Variants in TBC1D4 observed in about 807,000 individuals in gnomAD.
TBC1D4 encodes TBC1 domain family member 4, also known as TBC (Tre-2, BUB2, CDC16) domain-containing protein.
In TBC1D4, 121 loss-of-function variants were observed where a neutral mutation model predicts 142.5. That is an observed-to-expected ratio of 0.85 (90% CI 0.73 to 0.99). The LOEUF (loss-of-function observed/expected upper bound fraction) is 0.99. TBC1D4 is among the 50% of genes least tolerant of loss of function. The pLI, the probability that TBC1D4 is intolerant of heterozygous loss-of-function variation, is 0.00. For missense variants in TBC1D4, 1,475 were observed against 1,606.6 expected, an observed-to-expected ratio of 0.92 and a Z score of 1.40; for synonymous variants, 630 against 628.2, an observed-to-expected ratio of 1.00 and a Z score of -0.04.
At chr13:75,288,341 T>C (rs1481838077) in intron 20 of TBC1D4, among the ~76,000 whole-genome samples, 12 of 152,164 alleles carry the variant, frequency 7.9e-5, no homozygotes, top group Admixed American at 7.9e-4. Flanking sequence ...GTTCCCAGAT[T>C]GATCTTTCTA....
intron 13 of TBC1D4, among the ~76,000 whole-genome samples, chr13:75,310,590 C>G (rs1877651567): frequency 6.6e-6 from 1 of 152,224 alleles, no homozygotes; most frequent in Non-Finnish European, 1.5e-5. Flanking sequence ...CCTCTCCTGG[C>G]TGAGCACAGT....
intron 1 of TBC1D4, among the ~76,000 whole-genome samples, chr13:75,369,260 A>C (rs973394560): frequency 6.6e-6 from 1 of 152,156 alleles, no homozygotes; most frequent in African/African-American, 2.4e-5. Context: ...TGTGGAGGCC[A>C]AGGCAGGAGA....
At chr13:75,424,379 T>C (rs544723763) in intron 1 of TBC1D4, among the ~76,000 whole-genome samples, 2 of 152,030 alleles carry the variant, frequency 1.3e-5, no homozygotes, top group Non-Finnish European at 2.9e-5. Context: ...TTTATTAATA[T>C]TGTATTTTTT....
intron 1 of TBC1D4, among the ~76,000 whole-genome samples, chr13:75,473,398 G>T (rs1888498375): frequency 6.6e-6 from 1 of 152,230 alleles, no homozygotes; most frequent in Non-Finnish European, 1.5e-5. Context: ...AAGATTTCTA[G>T]ATTTGTTCGA....
At chr13:75,320,412 T>C (rs1490171303) in intron 11 of TBC1D4, among the ~76,000 whole-genome samples, 2 of 152,120 alleles carry the variant, frequency 1.3e-5, no homozygotes, top group Admixed American at 1.3e-4. Flanking sequence ...AACAAATATG[T>C]CTGTGATAAT....
chr13:75,416,659 G>A lies in TBC1D4; in HGVS notation c.499-54052C>T, dbSNP rs140153125. Among the ~76,000 whole-genome samples the A allele has an allele frequency of 8.1e-3, 1,241 of 152,346 alleles. 22 individuals carry two copies. Among genetic ancestry groups the A allele is most frequent in the African/African-American group, 0.025 (1,052 of 41,578 alleles). On this transcript the variant is annotated intron_variant, in intron 1 of 20. Coordinates refer to ENST00000377636, the MANE Select transcript of TBC1D4 (RefSeq NM_014832.5). ...TTTGATCAGGCTACATCTTATGCCA[G>A]CCCTGGATTAAATCTGAGACAGTCA...
intron 1 of TBC1D4, among the ~76,000 whole-genome samples, chr13:75,395,815 G>A (rs1884767738): frequency 6.6e-6 from 1 of 152,134 alleles, no homozygotes; most frequent in Admixed American, 6.6e-5. Context: ...GGGCAACAGA[G>A]TGAGACTCCA....
chr13:75,469,229 C>T (rs1453035870), intron 1 of TBC1D4, among the ~76,000 whole-genome samples: 1 of 152,128 alleles, frequency 6.6e-6, no homozygotes, highest in African/African-American at 2.4e-5. Context: ...CAAGAAGACA[C>T]CCGGAGATGA....
chr13:75,309,966 C>A lies in TBC1D4; in HGVS notation c.2569G>T (p.Glu857Ter). The change falls in exon 14 of 21, where the codon GAA becomes TAA. Residue 857 changes from glutamate (E) to a stop codon, truncating the protein, a stop_gained. Coordinates refer to ENST00000377636, the MANE Select transcript of TBC1D4 (RefSeq NM_014832.5). LOFTEE classifies it high-confidence loss of function. ...CCTTCAAGTTTCTGGTTTTCTTTTT[C>A]CATTCGAAGTAACAAGATTTGTTGG... ...IHQQILLLRM[E>*]KENQKLEASR... is the part of the protein sequence containing the mutation. 2 of 1,614,102 alleles carry A rather than the reference C, an allele frequency of 1.2e-6. No individual in the cohort carries two copies. The highest frequency in any genetic ancestry group is 1.7e-6 in the Non-Finnish European group (2 of 1,179,976).
At chr13:75,406,165 C>G (rs1183690802) in intron 1 of TBC1D4, among the ~76,000 whole-genome samples, 1 of 152,220 alleles carries the variant, frequency 6.6e-6, no homozygotes, top group South Asian at 2.1e-4. Context: ...TTTTAACAAG[C>G]TGACTTGACA....
chr13:75,300,394 T>C (rs1339247283), intron 16 of TBC1D4, among the ~76,000 whole-genome samples: 1 of 144,980 alleles, frequency 6.9e-6, no homozygotes, highest in Admixed American at 6.9e-5. Context: ...GGCATTTTTC[T>C]AGGGCCACAA....
chr13:75,440,833 A>G (rs1887009199), intron 1 of TBC1D4, among the ~76,000 whole-genome samples: 1 of 151,604 alleles, frequency 6.6e-6, no homozygotes, highest in South Asian at 2.1e-4. Context: ...CAGCCTCCCA[A>G]ACTGCTGGGA....
chr13:75,468,638 T>C (rs2138313955), intron 1 of TBC1D4, among the ~76,000 whole-genome samples: 1 of 152,334 alleles, frequency 6.6e-6, no homozygotes, highest in Admixed American at 6.5e-5. Flanking sequence ...GGCTCTAAAT[T>C]TATAAGTAGC....
At chr13:75,355,656 C>T (rs1881982589) in intron 4 of TBC1D4, among the ~76,000 whole-genome samples, 1 of 151,802 alleles carries the variant, frequency 6.6e-6, no homozygotes, top group Admixed American at 6.6e-5. Context: ...TTTTAAATGC[C>T]AAAGAAGAAA....
At position 75,457,222 on chromosome 13, in the gene TBC1D4, C is replaced by A. The variant is rs567979174; in HGVS notation, c.498+24048G>T. Among the ~76,000 whole-genome samples the A allele has an allele frequency of 5.9e-5, 9 of 152,242 alleles. No homozygotes were observed. The South Asian group carries it at 1.5e-3, about 25-fold the overall frequency. ...TCGGTGACATGGGATATATATTATACATCAATTTAAGATTTTATTAACTAA... is the reference window on the plus strand; with the variant it reads ...TCGGTGACATGGGATATATATTATAAATCAATTTAAGATTTTATTAACTAA... On this transcript the variant is annotated intron_variant, in intron 1 of 20. Transcript: ENST00000377636.
intron 1 of TBC1D4, among the ~76,000 whole-genome samples, chr13:75,399,906 T>A (rs986423893): frequency 6.6e-6 from 1 of 152,122 alleles, no homozygotes; most frequent in South Asian, 2.1e-4. Context: ...ACCAGGAGAC[T>A]GACATGCTGT....
At chr13:75,353,323 G>A (rs551891) in intron 4 of TBC1D4, among the ~76,000 whole-genome samples, 73,085 of 152,040 alleles carry the variant, frequency 0.48, 17,936 homozygotes, top group East Asian at 0.69. Flanking sequence ...TTTCCTTTTA[G>A]TGCAAGTTCT....
intron 11 of TBC1D4, among the ~76,000 whole-genome samples, chr13:75,322,892 C>T (rs1878893784): frequency 6.6e-6 from 1 of 152,118 alleles, no homozygotes; most frequent in African/African-American, 2.4e-5. Flanking sequence ...TCCCTGAAAG[C>T]ACTCTAAAGT....
intron 1 of TBC1D4, among the ~76,000 whole-genome samples, chr13:75,418,934 G>A (rs748087144): frequency 6.6e-6 from 1 of 152,138 alleles, no homozygotes; most frequent in Non-Finnish European, 1.5e-5. Flanking sequence ...GGCAAAATAG[G>A]AGCAGCCACT....
Sources: allele counts gnomAD v4.1 joint callset (sites outside exome capture counted in the v4.1 genomes callset), GRCh38; gene constraint gnomAD v4.1.1; transcripts MANE v1.5; gene names NCBI Gene and HGNC (gene_info 2026-07-23, HGNC 2026-07-21).